Variants in RPL11 observed in about 807,000 individuals in gnomAD.
RPL11 encodes large ribosomal subunit protein uL5.
In RPL11, 3 loss-of-function variants were observed where a neutral mutation model predicts 24.1. The ratio of observed to expected loss-of-function variants is 0.12; its 90% confidence interval spans 0.06 to 0.32. RPL11 has a LOEUF of 0.32. Among genes scored for constraint, RPL11 ranks in the 10% least tolerant of loss-of-function variants. The pLI is 1.00. For synonymous variants in RPL11, 96 were observed against 75.7 expected, an observed-to-expected ratio of 1.27 and a Z score of -1.39; for missense variants, 146 against 225.7, an observed-to-expected ratio of 0.65 and a Z score of 2.26.
chr1:23,692,949 A>G (rs1644510784), intron 2 of RPL11, among the ~76,000 whole-genome samples, 190 bp downstream of exon 2: 1 of 149,888 alleles, frequency 6.7e-6, no homozygotes, highest in African/African-American at 2.5e-5. Context: ...GGAACACTAG[A>G]TTTTATTTGA....
Position 23,692,841 on chromosome 1 carries a change from T to C in RPL11, c.157+82T>C. The C allele has an allele frequency of 5.7e-6, 9 of 1,577,710 alleles. No homozygotes were observed. The South Asian group carries it at 8.9e-5, about 16-fold the overall frequency. ...TGATTTACCTGCTGTCGAGTCTGTT[T>C]AGAAAGTGACAGTCGGCATCACTTA... On this transcript the variant is annotated intron_variant, in intron 2 of 5. Coordinates refer to ENST00000643754, the MANE Select transcript of RPL11 (RefSeq NM_000975.5).
intron 1 of RPL11, 193 bp from the exon 2 acceptor site, chr1:23,692,416 C>G (rs1644506367): frequency 7.9e-6 from 5 of 630,614 alleles, no homozygotes; most frequent in Non-Finnish European, 1.4e-5. Flanking sequence ...TCACCCGTTC[C>G]GTTCGTGGAG....
At chr1:23,694,952 A>G in intron 4 of RPL11, 161 bp downstream of exon 4, 1 of 1,094,380 alleles carries the variant, frequency 9.1e-7, no homozygotes, top group Non-Finnish European at 1.4e-6. Context: ...TTTGTGGCAA[A>G]TGTAGGGGTG....
chr1:23,692,946 T>G (rs1644510758), intron 2 of RPL11, among the ~76,000 whole-genome samples, 187 bp downstream of exon 2: 1 of 151,326 alleles, frequency 6.6e-6, no homozygotes, highest in African/African-American at 2.4e-5. Context: ...ATTGGAACAC[T>G]AGATTTTATT....
rs1315418009 is a variant in RPL11 at position 23,696,725 on chromosome 1, C to T, written c.*352C>T. On this transcript the variant is annotated 3_prime_UTR_variant, in exon 6 of 6. Coordinates refer to ENST00000643754, the MANE Select transcript of RPL11 (RefSeq NM_000975.5). ...GTGCTCCTGTGTTCCAGGAGGCCCC[C>T]TGCTATTCAGTGATTCTGTTCTGTA... The T allele has an allele frequency of 5.1e-6, 2 of 395,996 alleles. No individual in the cohort carries two copies. The highest frequency in any genetic ancestry group is 9.5e-6 in the Non-Finnish European group (2 of 211,522). The allele number at this position is 395,996 out of a possible 1,614,324, so 24.5% of individuals were successfully genotyped here.
At chr1:23,696,024 AT>A in intron 5 of RPL11, 116 bp downstream of exon 5, 1 of 1,066,648 alleles carries the variant, frequency 9.4e-7, no homozygotes, top group Non-Finnish European at 1.4e-6. Context: ...AAGTTAGAAT[AT>A]TGGGCATCTT....
chr1:23,694,711 G>A lies in RPL11; in HGVS notation c.316G>A (p.Gly106Ser). 6.2e-7 allele frequency: 1 copy of A among 1,614,112 alleles called. No individual in the cohort carries two copies. The highest frequency in any genetic ancestry group is 8.5e-7 in the Non-Finnish European group (1 of 1,180,008). Residue 106 changes from glycine (G) to serine (S), a missense_variant, in exon 4 of 6, where the codon GGT becomes AGT. By Grantham distance (56) the Gly-to-Ser change is moderately conservative. Coordinates refer to ENST00000643754, the MANE Select transcript of RPL11 (RefSeq NM_000975.5). The stretch of plus-strand genomic sequence containing the variant: ...CAACTTCTCAGATACTGGAAACTTT[G>A]GTTTTGGGATCCAGGAACACATCGA... ...KNNFSDTGNF[G>S]FGIQEHIDLG...
At chr1:23,695,456 T>C (rs1644527690) in intron 4 of RPL11, 12 of 349,852 alleles carry the variant, frequency 3.4e-5, no homozygotes, top group Admixed American at 2.4e-4. Flanking sequence ...CTCAGAGTTG[T>C]ATGTTTTCTA....
chr1:23,692,786 T>C, intron 2 of RPL11, 27 bp downstream of exon 2: 1 of 1,612,144 alleles, frequency 6.2e-7, no homozygotes, highest in Non-Finnish European at 8.5e-7. Context: ...ACATACAGGG[T>C]TTGCCTGCTT....
rs376399570 is a variant in RPL11, at chr1:23,696,399, A to G, written c.*26A>G. ...ATTCCCGTTTCTATCCAAAAGAGCA[A>G]TAAAAAGTTTTCAGTGAAATGTGCA... On this transcript the variant is annotated 3_prime_UTR_variant, in exon 6 of 6. Transcript: ENST00000643754. 9 of 1,609,894 alleles carry G rather than the reference A, an allele frequency of 5.6e-6. No homozygotes were observed. The highest frequency in any genetic ancestry group is 6.8e-6 in the Non-Finnish European group (8 of 1,176,124).
chr1:23,694,930 A>AGGAG, intron 4 of RPL11, 139 bp downstream of exon 4: 2 of 1,356,668 alleles, frequency 1.5e-6, no homozygotes, highest in Non-Finnish European at 2.1e-6. Context: ...CCCCTTGGGG[A>AGGAG]AATGTGCCTC....
chr1:23,692,008 G>T, intron 1 of RPL11, 179 bp downstream of exon 1: 1 of 862,848 alleles, frequency 1.2e-6, no homozygotes, highest in South Asian at 1.4e-5. Flanking sequence ...CACTTTCCCT[G>T]CCATCGTTTT....
At chr1:23,691,884 G>A (rs1004345712) in intron 1 of RPL11, 55 bp downstream of exon 1, 3 of 1,613,350 alleles carry the variant, frequency 1.9e-6, no homozygotes, top group African/African-American at 2.7e-5. Context: ...TCCATGGCAG[G>A]CCGAGCCTGC....
rs775268926 is a variant in RPL11 at position 23,696,492 on chromosome 1, G to T, written c.*119G>T. The T allele has an allele frequency of 8.3e-6, 8 of 963,590 alleles. No individual in the cohort carries two copies. The highest frequency in any genetic ancestry group is 1.3e-5 in the Non-Finnish European group (8 of 603,746). The allele number at this position is 963,590 out of a possible 1,614,324, so 59.7% of individuals were successfully genotyped here. On this transcript the variant is annotated 3_prime_UTR_variant, in exon 6 of 6. Coordinates refer to ENST00000643754, the MANE Select transcript of RPL11 (RefSeq NM_000975.5). ...GTCCTTGGACCTCAAGCCACTTAAA[G>T]CTTCGATGGGAGTAGCTGGTAACAA...
chr1:23,695,752 C>T lies in RPL11; in HGVS notation c.397-46C>T, dbSNP rs772274492. On this transcript the variant is annotated intron_variant, in intron 4 of 5. Transcript: ENST00000643754. ...AATGTGTGAGTCTTGTCCATCTGCT[C>T]TTGACTCTGAGCTGGCTAGGTGACT... 3.3e-6 allele frequency: 5 copies of T among 1,528,078 alleles called. No individual in the cohort carries two copies. In the African/African-American group the frequency reaches 5.5e-5, roughly 17 times the overall value. The allele number at this position is 1,528,078 out of a possible 1,614,324, so 94.7% of individuals were successfully genotyped here.
chr1:23,694,155 C>G (rs761093509), intron 3 of RPL11, among the ~76,000 whole-genome samples: 2 of 152,088 alleles, frequency 1.3e-5, no homozygotes, highest in African/African-American at 2.4e-5. Context: ...GCGGTTGGAT[C>G]ATTTGTGGCC....
At chr1:23,695,622 C>G in intron 4 of RPL11, 176 bp from the exon 5 acceptor site, 1 of 670,730 alleles carries the variant, frequency 1.5e-6, no homozygotes, top group Non-Finnish European at 2.7e-6. Flanking sequence ...TACAGTATGG[C>G]TGTGTGTTGC....
At chr1:23,691,887 G>A in intron 1 of RPL11, 58 bp downstream of exon 1, 4 of 1,611,886 alleles carry the variant, frequency 2.5e-6, no homozygotes, top group Admixed American at 1.7e-5. Flanking sequence ...ATGGCAGGCC[G>A]AGCCTGCGGG....
At position 23,692,739 on chromosome 1, in the gene RPL11, A is replaced by C. The variant is rs768342922; in HGVS notation, c.137A>C (p.Gln46Pro). The change falls in exon 2 of 6, where the codon CAG becomes CCG. Residue 46 changes from glutamine (Q) to proline (P), a missense_variant. Coordinates refer to ENST00000643754, the MANE Select transcript of RPL11 (RefSeq NM_000975.5). The stretch of plus-strand genomic sequence containing the variant: ...AAGGTGTTGGAGCAGCTCACAGGGC[A>C]GACCCCTGTGTTTTCCAAAGGTGAG... ...AAKVLEQLTG[Q>P]TPVFSKARYT... The C allele has an allele frequency of 6.2e-7, 1 of 1,613,922 alleles. No homozygotes were observed. Among genetic ancestry groups the C allele is most frequent in the Non-Finnish European group, 8.5e-7 (1 of 1,179,992 alleles).
Sources: gnomAD v4.1 joint callset for allele counts (sites outside exome capture counted in the v4.1 genomes callset) on GRCh38, gnomAD v4.1.1 for gene constraint, MANE v1.5 for transcripts, NCBI Gene and HGNC (gene_info 2026-07-23, HGNC 2026-07-21) for gene names.